BBX: variants seen among roughly 807,000 people sequenced by gnomAD.
BBX encodes the protein BBX high mobility group box domain containing.
A neutral mutation model predicts 100.2 loss-of-function variants in BBX; 30 were observed. The ratio of observed to expected loss-of-function variants is 0.30; its 90% CI spans 0.22 to 0.41. BBX has a LOEUF of 0.41. BBX is among the 10% of genes least tolerant of loss of function. BBX has a pLI of 1.00. For missense variants in BBX, 1,023 were observed against 1,129.8 expected, an observed-to-expected ratio of 0.91 and a Z score of 1.35; for synonymous variants, 376 against 388.1, an observed-to-expected ratio of 0.97 and a Z score of 0.37.
chr3:107,765,152 T>C (rs1056911795), intron 10 of BBX, among the ~76,000 whole-genome samples: 1 of 152,160 alleles, frequency 6.6e-6, no homozygotes, highest in Non-Finnish European at 1.5e-5. Context: ...CTAATATGAG[T>C]ATTACTGGTA....
intron 2 of BBX, among the ~76,000 whole-genome samples, chr3:107,558,861 C>T (rs554392760): frequency 7.9e-5 from 12 of 152,222 alleles, no homozygotes; most frequent in African/African-American, 2.6e-4. Context: ...ATAGCAGGGG[C>T]ATAACTGAAC....
chr3:107,726,615 C>G (rs575508859), intron 5 of BBX, among the ~76,000 whole-genome samples: 1 of 152,054 alleles, frequency 6.6e-6, no homozygotes, highest in African/African-American at 2.4e-5. Flanking sequence ...CGGCCTTTCT[C>G]TTGCTCTCTG....
intron 8 of BBX, among the ~76,000 whole-genome samples, chr3:107,745,456 A>AT (rs2064498891): frequency 2.0e-5 from 3 of 151,850 alleles, no homozygotes; most frequent in African/African-American, 7.2e-5. Flanking sequence ...CAGGGGGAAC[A>AT]TTTTTTGTTT....
In BBX at chr3:107,533,740, T is replaced by C. The variant is rs564923218; in HGVS notation, c.-84+7342T>C. Among the ~76,000 whole-genome samples the C allele has an allele frequency of 3.3e-5, 5 of 152,346 alleles. No homozygotes were observed. The South Asian group carries it at 8.3e-4, about 25-fold the overall frequency. Reference sequence around the variant, plus strand: ...GTTGAAAAATGTTTCTTATGTTTCTTATGTAATTATGAAAGGCTACTTTCA... The same window carrying C: ...GTTGAAAAATGTTTCTTATGTTTCTCATGTAATTATGAAAGGCTACTTTCA... On this transcript the variant is annotated intron_variant, in intron 2 of 17. Coordinates refer to ENST00000325805, the MANE Select transcript of BBX (RefSeq NM_001142568.3).
Position 107,722,718 on chromosome 3 carries a change from A to C in BBX, c.405+5869A>C, listed in dbSNP as rs1224711255. Among the ~76,000 whole-genome samples, 83 of 152,040 alleles carry C rather than the reference A, an allele frequency of 5.5e-4. 1 individual carries two copies. Among genetic ancestry groups the C allele is most frequent in the Non-Finnish European group, 1.5e-5 (1 of 67,956 alleles). ...TATTGTTCAGTCAAACCATAAATTT[A>C]ATTCAATTTTCTGTCAGTGAAATAG... On this transcript the variant is annotated intron_variant, in intron 5 of 17. Transcript: ENST00000325805.
chr3:107,586,669 G>A (rs1042880378), intron 2 of BBX, among the ~76,000 whole-genome samples: 5 of 151,972 alleles, frequency 3.3e-5, no homozygotes, highest in African/African-American at 4.8e-5. Context: ...ATTTATTTTC[G>A]TTACCAAGGC....
chr3:107,584,034 AAT>A (rs2052523556), intron 2 of BBX, among the ~76,000 whole-genome samples: 1 of 57,040 alleles, frequency 1.8e-5, no homozygotes, highest in African/African-American at 8.2e-5. Context: ...TATATATATT[AAT>A]TATATATATT....
At chr3:107,610,975 T>A (rs1391717402) in intron 2 of BBX, among the ~76,000 whole-genome samples, 2 of 152,102 alleles carry the variant, frequency 1.3e-5, no homozygotes, top group African/African-American at 4.8e-5. Context: ...TGATTTTCAC[T>A]GGTGGTATGT....
At chr3:107,612,165 T>C (rs1479825020) in intron 2 of BBX, among the ~76,000 whole-genome samples, 1 of 149,696 alleles carries the variant, frequency 6.7e-6, no homozygotes, top group Non-Finnish European at 1.5e-5. Flanking sequence ...AAAACAGATA[T>C]TTTGAATTCT....
At chr3:107,603,490 T>C (rs973542310) in intron 2 of BBX, among the ~76,000 whole-genome samples, 17 of 152,172 alleles carry the variant, frequency 1.1e-4, no homozygotes, top group African/African-American at 4.1e-4. Flanking sequence ...GTGATTCTCC[T>C]GCCTCAGCCT....
At chr3:107,744,802 C>A in intron 8 of BBX, 92 bp downstream of exon 8, 2 of 999,006 alleles carry the variant, frequency 2.0e-6, no homozygotes, top group South Asian at 1.4e-5. Flanking sequence ...CAATGAAGAA[C>A]TCTACTCAGC....
chr3:107,697,739 C>T (rs1020226051), intron 3 of BBX, among the ~76,000 whole-genome samples: 9 of 151,770 alleles, frequency 5.9e-5, no homozygotes, highest in South Asian at 2.1e-4. Context: ...TTCGAGCTTC[C>T]TGGCTGCTTT....
chr3:107,783,498 A>G (rs1384370322), intron 13 of BBX, among the ~76,000 whole-genome samples: 1 of 152,038 alleles, frequency 6.6e-6, no homozygotes, highest in African/African-American at 2.4e-5. Context: ...TTCCTAACAC[A>G]CTGCATACGT....
intron 6 of BBX, among the ~76,000 whole-genome samples, 176 bp from the exon 7 acceptor site, chr3:107,732,780 T>C (rs1435081518): frequency 6.6e-6 from 1 of 152,220 alleles, no homozygotes; most frequent in African/African-American, 2.4e-5. Context: ...GTATGAGCAC[T>C]AAGCACATAT....
chr3:107,722,703 TCAAACCA>T (rs1345459731), intron 5 of BBX, among the ~76,000 whole-genome samples: 2 of 152,034 alleles, frequency 1.3e-5, no homozygotes, highest in African/African-American at 2.4e-5. Context: ...TATTGTTCAG[TCAAACCA>T]TAAATTTAAT....
At chr3:107,786,965 C>CGTTT (rs2068493481) in intron 13 of BBX, among the ~76,000 whole-genome samples, 1 of 152,082 alleles carries the variant, frequency 6.6e-6, no homozygotes, top group African/African-American at 2.4e-5. Flanking sequence ...CTCATAAAAA[C>CGTTT]GGGCAAGTGA....
At chr3:107,711,042 T>C (rs2107311536) in intron 4 of BBX, among the ~76,000 whole-genome samples, 1 of 152,350 alleles carries the variant, frequency 6.6e-6, no homozygotes, top group South Asian at 2.1e-4. Flanking sequence ...CTTCACAGCT[T>C]CTGGCTGCAC....
chr3:107,540,146 A>T (rs528950812), intron 2 of BBX, among the ~76,000 whole-genome samples: 1 of 152,342 alleles, frequency 6.6e-6, no homozygotes, highest in South Asian at 2.1e-4. Flanking sequence ...AGCACGAGGG[A>T]TCTGGCAGAG....
intron 5 of BBX, among the ~76,000 whole-genome samples, chr3:107,726,591 A>G (rs2062959125): frequency 6.6e-6 from 1 of 151,840 alleles, no homozygotes; most frequent in Non-Finnish European, 1.5e-5. Context: ...TTTCCATAAA[A>G]CCCCACGTAT....
Sources: gnomAD v4.1 joint callset for allele counts (sites outside exome capture counted in the v4.1 genomes callset) on GRCh38, gnomAD v4.1.1 for gene constraint, MANE v1.5 for transcripts, NCBI Gene and HGNC (gene_info 2026-07-23, HGNC 2026-07-21) for gene names.